The following CDH13 variants were observed in gnomAD, a reference collection of about 807,000 sequenced individuals.
The protein encoded by CDH13 is cadherin 13.
Under a neutral mutation model 63.8 loss-of-function variants are expected in CDH13, and 24 were observed. That is an observed-to-expected ratio of 0.38 (90% CI 0.27 to 0.53). The LOEUF is 0.53. Among genes scored for constraint, CDH13 ranks in the 20% least tolerant of loss-of-function variants. The probability of loss-of-function intolerance (pLI) is 0.85; values close to 1 mark genes in which losing one functional copy is unlikely to be tolerated. For synonymous variants in CDH13, 503 were observed against 355.3 expected (o/e 1.42, Z -4.67); for missense variants, 1,049 against 903.1 (o/e 1.16, Z -2.07).
chr16:83,399,415 T>C (rs1226309999), intron 6 of CDH13, among the ~76,000 whole-genome samples: 1 of 152,208 alleles, frequency 6.6e-6, no homozygotes, highest in Non-Finnish European at 1.5e-5. Context: ...AAAATTTTCG[T>C]CCAAAGTGTA....
intron 1 of CDH13, among the ~76,000 whole-genome samples, chr16:82,681,294 A>T (rs1237260121): frequency 6.6e-6 from 1 of 152,212 alleles, no homozygotes; most frequent in African/African-American, 2.4e-5. Flanking sequence ...TGTCCAGAAT[A>T]GGCAATTCCA....
chr16:82,724,157 A>G lies in CDH13; in HGVS notation c.45+97020A>G, dbSNP rs548015459. Among the ~76,000 whole-genome samples, 10 of 152,306 alleles carry G rather than the reference A, an allele frequency of 6.6e-5. No individual in the cohort carries two copies. The South Asian group carries it at 2.1e-3, about 32-fold the overall frequency. Reference sequence around the variant, plus strand: ...GGTAAAGAGGTTTTTTGTTATATACACAAATTGTACTTTTTCTTATTTCTC... The same window carrying G: ...GGTAAAGAGGTTTTTTGTTATATACGCAAATTGTACTTTTTCTTATTTCTC... On this transcript the variant is annotated intron_variant, in intron 1 of 13. Transcript: ENST00000567109.
intron 2 of CDH13, among the ~76,000 whole-genome samples, chr16:82,893,145 A>G (rs1290157865): frequency 6.6e-6 from 1 of 152,258 alleles, no homozygotes; most frequent in Non-Finnish European, 1.5e-5. Context: ...AAGCAAACAA[A>G]CAAGCAAACC....
At chr16:83,382,558 T>G (rs1219448773) in intron 6 of CDH13, among the ~76,000 whole-genome samples, 1 of 152,074 alleles carries the variant, frequency 6.6e-6, no homozygotes, top group East Asian at 1.9e-4. Flanking sequence ...TACACCCTCC[T>G]GCATAACCAC....
At chr16:83,015,610 G>A (rs1054191972) in intron 2 of CDH13, among the ~76,000 whole-genome samples, 8 of 138,568 alleles carry the variant, frequency 5.8e-5, no homozygotes, top group Middle Eastern at 3.9e-3. Flanking sequence ...ATTCATTATC[G>A]TAAATATCAC....
intron 1 of CDH13, among the ~76,000 whole-genome samples, chr16:82,656,879 A>T (rs1308946610): frequency 6.8e-6 from 1 of 147,796 alleles, no homozygotes; most frequent in Non-Finnish European, 1.5e-5. Flanking sequence ...GGTAACATGC[A>T]TTGAAGTTTC....
At chr16:83,702,525 A>G (rs1567530002) in intron 10 of CDH13, among the ~76,000 whole-genome samples, 1 of 152,192 alleles carries the variant, frequency 6.6e-6, no homozygotes, top group Non-Finnish European at 1.5e-5. Flanking sequence ...AAGTGACATT[A>G]TCACATCTAC....
In CDH13 at chr16:83,797,364, A is replaced by T. The variant is rs1362581374; in HGVS notation, c.*2334A>T. The T allele has an allele frequency of 6.6e-6, 1 of 152,230 alleles. No individual in the cohort carries two copies. Among genetic ancestry groups the T allele is most frequent in the African/African-American group, 2.4e-5 (1 of 41,464 alleles). 9.4% of individuals were successfully genotyped at this position (152,230 alleles called of 1,614,324 possible). A position where few individuals can be genotyped will look rare whatever the true frequency, so the allele number is the denominator to read the frequency against. On this transcript the variant is annotated 3_prime_UTR_variant, in exon 14 of 14. Coordinates refer to ENST00000567109, the MANE Select transcript of CDH13 (RefSeq NM_001257.5). The stretch of plus-strand genomic sequence containing the variant: ...TCCTGCACTTTGTGAACCGAACCAG[A>T]AGATTAACTTCGCTGAAAATTCAGA...
At position 82,644,686 on chromosome 16, in the gene CDH13, G is replaced by T. The variant is rs1358934204; in HGVS notation, c.45+17549G>T. The stretch of plus-strand genomic sequence containing the variant: ...AGAAGTCAGGACTTGAACTGGCTCT[G>T]GCTGGGACCCAGGCTCCCAGGTAGC... On this transcript the variant is annotated intron_variant, in intron 1 of 13. Coordinates refer to ENST00000567109, the MANE Select transcript of CDH13 (RefSeq NM_001257.5). The surrounding 1 kb of genome is among the most constrained non-coding windows in gnomAD (Gnocchi z 5.7). 6.6e-6 allele frequency among the ~76,000 whole-genome samples: 1 copy of T among 152,148 alleles called. No homozygotes were observed. The highest frequency in any genetic ancestry group is 2.4e-5 in the African/African-American group (1 of 41,432).
intron 2 of CDH13, among the ~76,000 whole-genome samples, chr16:83,009,296 A>G (rs77333090): frequency 0.035 from 5,256 of 152,344 alleles, 114 homozygotes; most frequent in Non-Finnish European, 0.045. Context: ...AGTGCTCTTG[A>G]TTTAAGCAGA....
intron 4 of CDH13, among the ~76,000 whole-genome samples, chr16:83,182,124 G>T (rs781417604): frequency 1.6e-4 from 24 of 152,148 alleles, no homozygotes; most frequent in Non-Finnish European, 2.4e-4. Context: ...TTTTATGGAG[G>T]TCCTTAAACT....
chr16:82,796,170 T>C (rs1021430703), intron 1 of CDH13, among the ~76,000 whole-genome samples: 5 of 152,058 alleles, frequency 3.3e-5, no homozygotes, highest in African/African-American at 1.2e-4. Flanking sequence ...TCGTGGGTAA[T>C]ACAGCCAGTA....
intron 10 of CDH13, among the ~76,000 whole-genome samples, chr16:83,708,457 C>A (rs1567536096): frequency 6.6e-6 from 1 of 152,148 alleles, no homozygotes; most frequent in East Asian, 1.9e-4. Flanking sequence ...GCTTACTCAC[C>A]CCTCAGCATG....
intron 6 of CDH13, 132 bp downstream of exon 6, chr16:83,345,138 T>C (rs2151364981): frequency 1.0e-6 from 1 of 986,498 alleles, no homozygotes; most frequent in South Asian, 2.1e-5. Context: ...AATACTTCCC[T>C]GCGTAGAAGC....
At chr16:83,643,295 A>AG (rs1212584803) in intron 8 of CDH13, among the ~76,000 whole-genome samples, 9 of 78,732 alleles carry the variant, frequency 1.1e-4, no homozygotes, top group East Asian at 7.5e-4. Flanking sequence ...AAAAAAAAAA[A>AG]AAAAAAGAAA....
intron 6 of CDH13, among the ~76,000 whole-genome samples, chr16:83,349,341 G>A (rs1342834998): frequency 1.3e-5 from 2 of 152,114 alleles, no homozygotes; most frequent in Non-Finnish European, 2.9e-5. Context: ...GAAATTCCTG[G>A]AGGGCACTAA....
At chr16:83,108,102 T>C (rs542259516) in intron 3 of CDH13, among the ~76,000 whole-genome samples, 2 of 152,258 alleles carry the variant, frequency 1.3e-5, no homozygotes, top group South Asian at 2.1e-4. Flanking sequence ...ATTACAGACA[T>C]GAGCCACCGC....
chr16:82,812,900 C>G (rs781505593), intron 1 of CDH13, among the ~76,000 whole-genome samples: 21 of 151,122 alleles, frequency 1.4e-4, no homozygotes, highest in Non-Finnish European at 2.5e-4. Context: ...TCATTTGAGA[C>G]AGAGAGGGTA....
intron 10 of CDH13, among the ~76,000 whole-genome samples, chr16:83,696,330 G>T (rs1905399880): frequency 6.6e-6 from 1 of 152,302 alleles, no homozygotes; most frequent in Admixed American, 6.5e-5. Flanking sequence ...TGTGTAAGAT[G>T]GGGTCTTCAT....
Sources: allele counts gnomAD v4.1 joint callset (sites outside exome capture counted in the v4.1 genomes callset), GRCh38; gene constraint gnomAD v4.1.1; non-coding constraint Gnocchi (gnomAD v3.1); transcripts MANE v1.5; gene names NCBI Gene and HGNC (gene_info 2026-07-23, HGNC 2026-07-21).